Variants in CDRT4 observed in about 807,000 individuals in gnomAD.
CDRT4 encodes CMT1A duplicated region transcript 4, also known as CMT1A duplicated region transcript 4 protein.
For synonymous variants in CDRT4, 64 were observed against 69.6 expected, an observed-to-expected ratio of 0.92 and a Z score of 0.40; for missense variants, 167 against 193.1, an observed-to-expected ratio of 0.87 and a Z score of 0.80.
rs1163775376 is a variant in CDRT4, at chr17:15,437,486, C to T, written c.*287G>A. ...TGTGATTTCTGTCTCCTGCCTGGAC[C>T]CAGACAAATCACCCACATTTTGGTC... On this transcript the variant is annotated 3_prime_UTR_variant, in exon 4 of 4. Coordinates refer to ENST00000619038, the MANE Select transcript of CDRT4 (RefSeq NM_001204477.2). 2 of 478,884 alleles carry T rather than the reference C, an allele frequency of 4.2e-6. No individual in the cohort carries two copies. Among genetic ancestry groups the T allele is most frequent in the African/African-American group, 3.9e-5 (2 of 51,826 alleles). 29.7% of individuals were successfully genotyped at this position (478,884 alleles called of 1,614,324 possible). A position where few individuals can be genotyped will look rare whatever the true frequency, so the allele number is the denominator to read the frequency against.
intron 3 of CDRT4, chr17:15,439,037 C>G (rs1978632776): frequency 2.3e-6 from 1 of 443,646 alleles, no homozygotes; most frequent in Non-Finnish European, 4.5e-6. Flanking sequence ...TATCAAGCAG[C>G]CTGTTCCTTT....
Position 15,464,194 on chromosome 17 carries a change from TG to T in CDRT4, c.-130+3265del, listed in dbSNP as rs1979889216. ...TTCTCTGGTGATGTGTCACTGAGCT[TG>T]GGGATAGGGCCAGGGATGGGGATGG... On this transcript the variant is annotated intron_variant, in intron 1 of 3. Transcript: ENST00000619038. This position sits in a 1 kb window ranked among gnomAD's most constrained non-coding sequence, Gnocchi z 4.5. Among the ~76,000 whole-genome samples, 1 of 152,002 alleles carries T rather than the reference TG, an allele frequency of 6.6e-6. No homozygotes were observed. The highest frequency in any genetic ancestry group is 2.1e-4 in the South Asian group (1 of 4,826).
chr17:15,453,545 C>T (rs1313199796), intron 1 of CDRT4, among the ~76,000 whole-genome samples: 1 of 152,170 alleles, frequency 6.6e-6, no homozygotes, highest in East Asian at 1.9e-4. Context: ...GCATCCTCTC[C>T]CCAACAAAGG....
At chr17:15,440,124 C>A in intron 3 of CDRT4, 84 bp downstream of exon 3, 1 of 1,332,574 alleles carries the variant, frequency 7.5e-7, no homozygotes, top group Non-Finnish European at 1.0e-6. Flanking sequence ...GAGTGGCCGC[C>A]CAGTGGCCTC....
intron 2 of CDRT4, among the ~76,000 whole-genome samples, chr17:15,442,587 G>A (rs1388784655): frequency 2.0e-5 from 3 of 152,162 alleles, no homozygotes; most frequent in Non-Finnish European, 4.4e-5. Context: ...GGAAAGCCCA[G>A]TCTTACAAAC....
intron 2 of CDRT4, among the ~76,000 whole-genome samples, chr17:15,448,592 G>A (rs1043214025): frequency 6.6e-6 from 1 of 152,186 alleles, no homozygotes; most frequent in African/African-American, 2.4e-5. Context: ...ACTTTGTCAG[G>A]TCATCATCAG....
At chr17:15,463,368 T>C (rs1979846587) in intron 1 of CDRT4, among the ~76,000 whole-genome samples, 1 of 152,176 alleles carries the variant, frequency 6.6e-6, no homozygotes, top group African/African-American at 2.4e-5. Context: ...GCAAGTTGGC[T>C]CGTGTCTCTC....
At chr17:15,445,580 T>A (rs1284896774) in intron 2 of CDRT4, among the ~76,000 whole-genome samples, 1 of 152,220 alleles carries the variant, frequency 6.6e-6, no homozygotes, top group Non-Finnish European at 1.5e-5. Context: ...GTTCTTCTCC[T>A]GCCCTTGTTT....
At chr17:15,438,283 AC>A in intron 3 of CDRT4, 83 bp from the exon 4 acceptor site, 1 of 1,420,898 alleles carries the variant, frequency 7.0e-7, no homozygotes. Flanking sequence ...AGGCATTGGA[AC>A]CAGATTTTGA....
chr17:15,461,405 T>C (rs539083360), intron 1 of CDRT4, among the ~76,000 whole-genome samples: 1 of 152,358 alleles, frequency 6.6e-6, no homozygotes, highest in East Asian at 1.9e-4. Context: ...CTAGGAATGC[T>C]GGGAAGACTT....
intron 1 of CDRT4, among the ~76,000 whole-genome samples, chr17:15,460,846 ATCTC>A (rs1442643730): frequency 6.6e-6 from 1 of 151,410 alleles, no homozygotes; most frequent in Non-Finnish European, 1.5e-5. Context: ...CACCTCTTAG[ATCTC>A]TCTGTTTCTG....
At chr17:15,455,194 T>A (rs73287780) in intron 1 of CDRT4, among the ~76,000 whole-genome samples, 3,691 of 152,106 alleles carry the variant, frequency 0.024, 146 homozygotes, top group African/African-American at 0.085. Context: ...TGGGATGGGA[T>A]GGGAGAGTGG....
Position 15,436,315 on chromosome 17 carries a change from C to T in CDRT4, c.*1458G>A, listed in dbSNP as rs1330466455. 1 of 152,252 alleles carries T rather than the reference C, an allele frequency of 6.6e-6. No individual in the cohort carries two copies. The highest frequency in any genetic ancestry group is 1.5e-5 in the Non-Finnish European group (1 of 68,050). 9.4% of individuals were successfully genotyped at this position (152,252 alleles called of 1,614,324 possible). On this transcript the variant is annotated 3_prime_UTR_variant, in exon 4 of 4. Coordinates refer to ENST00000619038, the MANE Select transcript of CDRT4 (RefSeq NM_001204477.2). ...GCAAATTCAACTTTTCCAAATGACA[C>T]TGCTATAAGTTACTACATCTCATCC...
intron 1 of CDRT4, among the ~76,000 whole-genome samples, chr17:15,455,918 C>G (rs2150795370): frequency 6.6e-6 from 1 of 152,278 alleles, no homozygotes; most frequent in African/African-American, 2.4e-5. Context: ...AGGTTCCTGG[C>G]CCACAGAAAC....
intron 1 of CDRT4, among the ~76,000 whole-genome samples, chr17:15,466,262 G>C (rs1159197261): frequency 2.6e-5 from 4 of 152,162 alleles, no homozygotes; most frequent in Non-Finnish European, 4.4e-5. Context: ...GCTCAAACAA[G>C]TGTAAAGCAA....
chr17:15,440,994 T>C (rs535790275), intron 2 of CDRT4, among the ~76,000 whole-genome samples: 62 of 152,352 alleles, frequency 4.1e-4, no homozygotes, highest in African/African-American at 1.2e-3. Context: ...TGTAAGGTTA[T>C]ATTATTAACT....
chr17:15,466,343 C>T (rs1013338445), intron 1 of CDRT4, among the ~76,000 whole-genome samples: 2 of 152,158 alleles, frequency 1.3e-5, no homozygotes, highest in Non-Finnish European at 2.9e-5. Flanking sequence ...GGAGCCTGGG[C>T]GCTGGGCCAG....
intron 1 of CDRT4, among the ~76,000 whole-genome samples, chr17:15,453,888 C>T (rs189929664): frequency 1.3e-4 from 20 of 152,180 alleles, no homozygotes; most frequent in African/African-American, 4.8e-4. Context: ...CCTTGGAGTG[C>T]CATGAGGATT....
chr17:15,449,753 C>T (rs1328356455), intron 2 of CDRT4, among the ~76,000 whole-genome samples: 1 of 152,142 alleles, frequency 6.6e-6, no homozygotes, highest in Non-Finnish European at 1.5e-5. Context: ...GTTATCTTCA[C>T]CTTTATGTCC....
Sources: gnomAD v4.1 joint callset for allele counts (sites outside exome capture counted in the v4.1 genomes callset) on GRCh38, gnomAD v4.1.1 for gene constraint, Gnocchi (gnomAD v3.1) non-coding constraint, MANE v1.5 for transcripts, NCBI Gene and HGNC (gene_info 2026-07-23, HGNC 2026-07-21) for gene names.